The following ADAMTSL1 variants were observed in gnomAD, a reference collection of about 807,000 sequenced individuals.
The protein encoded by ADAMTSL1 is ADAMTS like 1, also known as ADAMTS-like protein 1.
A neutral mutation model predicts 201.8 loss-of-function variants in ADAMTSL1; 126 were observed. That is an observed-to-expected ratio of 0.62 (90% CI 0.54 to 0.72). The LOEUF (loss-of-function observed/expected upper bound fraction) is 0.72, where lower values mean the gene tolerates loss of function less well. Among genes scored for constraint, ADAMTSL1 ranks in the 30% least tolerant of loss-of-function variants. The pLI, the probability that ADAMTSL1 is intolerant of heterozygous loss-of-function variation, is 0.00. For synonymous variants in ADAMTSL1, 1,121 were observed against 903.4 expected, an observed-to-expected ratio of 1.24 and a Z score of -4.32; for missense variants, 2,679 against 2,277.8, an observed-to-expected ratio of 1.18 and a Z score of -3.59.
intron 1 of ADAMTSL1, among the ~76,000 whole-genome samples, chr9:18,027,396 A>T (rs1320788491): frequency 4.0e-5 from 6 of 151,364 alleles, no homozygotes; most frequent in African/African-American, 1.2e-4. Flanking sequence ...CATCCCAGAG[A>T]TTTTGTATAT....
chr9:18,825,437 C>T (rs1824485831), intron 21 of ADAMTSL1, among the ~76,000 whole-genome samples: 1 of 152,170 alleles, frequency 6.6e-6, no homozygotes, highest in Non-Finnish European at 1.5e-5. Flanking sequence ...ACTACCATTT[C>T]ATGTTCTCTT....
At chr9:18,342,449 G>A (rs1380283329) in intron 2 of ADAMTSL1, among the ~76,000 whole-genome samples, 1 of 152,138 alleles carries the variant, frequency 6.6e-6, no homozygotes, top group Non-Finnish European at 1.5e-5. Context: ...AAAGGACTAA[G>A]AGGAGGGTCC....
At chr9:18,190,890 G>C (rs1828942765) in intron 2 of ADAMTSL1, among the ~76,000 whole-genome samples, 1 of 152,014 alleles carries the variant, frequency 6.6e-6, no homozygotes, top group Non-Finnish European at 1.5e-5. Flanking sequence ...CAGAGAAGTG[G>C]GTTTTGCTCC....
Position 18,127,824 on chromosome 9 carries a change from C to T in ADAMTSL1, c.88-36038C>T, listed in dbSNP as rs548994841. 3.3e-5 allele frequency among the ~76,000 whole-genome samples: 5 copies of T among 152,262 alleles called. No individual in the cohort carries two copies. The South Asian group carries it at 1.0e-3, about 32-fold the overall frequency. On this transcript the variant is annotated intron_variant, in intron 1 of 29. Coordinates refer to the ADAMTSL1 transcript ENST00000680146. ...TTGGAAGTATTGTTTAAAGCAAAGA[C>T]TACCGGCATATCATCATTTCCATTT...
At chr9:18,607,375 C>A (rs905656050) in intron 4 of ADAMTSL1, among the ~76,000 whole-genome samples, 2 of 152,072 alleles carry the variant, frequency 1.3e-5, no homozygotes, top group African/African-American at 2.4e-5. Flanking sequence ...GTTTTTCTAT[C>A]GAATATGGCA....
At chr9:17,989,941 G>A (rs531810149) in intron 1 of ADAMTSL1, among the ~76,000 whole-genome samples, 3 of 144,658 alleles carry the variant, frequency 2.1e-5, no homozygotes, top group Admixed American at 7.0e-5. Flanking sequence ...TTTCCCAAAC[G>A]TATTCTGCTT....
intron 1 of ADAMTSL1, among the ~76,000 whole-genome samples, chr9:18,115,629 TAATTCACTTAATATTCCTGACAACCCTC>T (rs1405753602): frequency 1.3e-5 from 2 of 152,176 alleles, no homozygotes; most frequent in African/African-American, 4.8e-5. Context: ...TTATGAATAT[TAATTCACTTAATATTCCTGACAACCCTC>T]ATGAAATGGG....
At chr9:18,180,671 G>T (rs1375287905) in intron 2 of ADAMTSL1, among the ~76,000 whole-genome samples, 4 of 152,098 alleles carry the variant, frequency 2.6e-5, no homozygotes, top group African/African-American at 4.8e-5. Flanking sequence ...CCATGCTCAT[G>T]GGTAGGAAGA....
intron 2 of ADAMTSL1, among the ~76,000 whole-genome samples, chr9:18,431,662 T>G (rs1819496390): frequency 6.6e-6 from 1 of 152,126 alleles, no homozygotes; most frequent in African/African-American, 2.4e-5. Context: ...AGTCTTCACC[T>G]TCTTCCACCT....
chr9:17,971,185 A>C (rs1818193148), intron 1 of ADAMTSL1, among the ~76,000 whole-genome samples: 1 of 152,138 alleles, frequency 6.6e-6, no homozygotes, highest in South Asian at 2.1e-4. Flanking sequence ...TTTGCCTTTA[A>C]TTGATAGTTT....
intron 2 of ADAMTSL1, among the ~76,000 whole-genome samples, chr9:18,217,321 GC>G (rs1587332833): frequency 6.6e-6 from 1 of 152,082 alleles, no homozygotes; most frequent in Non-Finnish European, 1.5e-5. Flanking sequence ...TCCATGATTT[GC>G]CCGTGTGTTT....
chr9:18,105,777 A>G (rs541419180), intron 1 of ADAMTSL1, among the ~76,000 whole-genome samples: 1 of 152,360 alleles, frequency 6.6e-6, no homozygotes, highest in Admixed American at 6.5e-5. Flanking sequence ...GTTACATCTT[A>G]TATTGCATAG....
intron 23 of ADAMTSL1, among the ~76,000 whole-genome samples, chr9:18,856,888 G>A (rs558666062): frequency 1.3e-5 from 2 of 152,274 alleles, no homozygotes; most frequent in South Asian, 4.1e-4. Flanking sequence ...GCAAAAGCTG[G>A]TTGGAGAAAG....
At position 18,801,606 on chromosome 9, in the gene ADAMTSL1, C is replaced by A. The variant is rs527613016; in HGVS notation, c.3805+6082C>A. 1.1e-4 allele frequency among the ~76,000 whole-genome samples: 16 copies of A among 152,274 alleles called. 1 individual carries two copies. The highest frequency in any genetic ancestry group is 3.4e-3 in the Middle Eastern group (1 of 294). On this transcript the variant is annotated intron_variant, in intron 20 of 28. Transcript: ENST00000380548. The stretch of plus-strand genomic sequence containing the variant: ...TTCATGAATTCTCATCATTTAGTTC[C>A]CACTTATAAGTGAGCACATGCAGTA...
chr9:18,616,368 T>C (rs1057159558), intron 4 of ADAMTSL1, among the ~76,000 whole-genome samples: 1 of 152,224 alleles, frequency 6.6e-6, no homozygotes, highest in African/African-American at 2.4e-5. Flanking sequence ...TTAGGCTTCA[T>C]CAGAGGTTAT....
intron 19 of ADAMTSL1, among the ~76,000 whole-genome samples, chr9:18,780,930 G>C (rs1821353843): frequency 6.6e-6 from 1 of 152,086 alleles, no homozygotes; most frequent in Admixed American, 6.6e-5. Context: ...AATGTGTGTT[G>C]TGACTTTCCA....
At chr9:18,893,993 G>T (rs1384432693) in intron 26 of ADAMTSL1, among the ~76,000 whole-genome samples, 4 of 152,216 alleles carry the variant, frequency 2.6e-5, no homozygotes, top group African/African-American at 9.7e-5. Context: ...TCCCATATAA[G>T]CATGTGTGAA....
intron 1 of ADAMTSL1, among the ~76,000 whole-genome samples, chr9:18,491,733 C>A (rs1822280721): frequency 6.6e-6 from 1 of 152,060 alleles, no homozygotes; most frequent in South Asian, 2.1e-4. Context: ...ATTTAGCCAG[C>A]CCCAAAACGT....
At chr9:18,497,857 A>C (rs116423529) in intron 1 of ADAMTSL1, among the ~76,000 whole-genome samples, 1,829 of 152,312 alleles carry the variant, frequency 0.012, 32 homozygotes, top group African/African-American at 0.042. Context: ...TTGACCTTGG[A>C]TAGAATACAA....
Sources: allele counts gnomAD v4.1 joint callset (sites outside exome capture counted in the v4.1 genomes callset), GRCh38; gene constraint gnomAD v4.1.1; transcripts MANE v1.5; gene names NCBI Gene and HGNC (gene_info 2026-07-23, HGNC 2026-07-21).